Variants in VTA1 observed in about 807,000 individuals in gnomAD.
The protein encoded by VTA1 is vacuolar protein sorting-associated protein VTA1 homolog.
VTA1 carries 24 observed loss-of-function variants against 36.9 expected under a neutral mutation model. The ratio of observed to expected loss-of-function variants is 0.65; its 90% CI spans 0.47 to 0.91. VTA1 has a LOEUF of 0.91. Ranked by LOEUF, VTA1 falls within the 40% of genes least tolerant of loss-of-function variation. The pLI, the probability that VTA1 is intolerant of heterozygous loss-of-function variation, is 0.00. For missense variants in VTA1, 393 were observed against 377.2 expected (o/e 1.04, Z -0.35); for synonymous variants, 142 against 130.2 (o/e 1.09, Z -0.62).
At chr6:142,201,539 A>G (rs560629332) in intron 6 of VTA1, among the ~76,000 whole-genome samples, 5 of 152,052 alleles carry the variant, frequency 3.3e-5, no homozygotes, top group Non-Finnish European at 7.4e-5. Flanking sequence ...TTCTTTCTCA[A>G]GAAACATAAG....
intron 2 of VTA1, among the ~76,000 whole-genome samples, chr6:142,168,703 CTTTT>C (rs1774969276): frequency 1.3e-5 from 2 of 149,702 alleles, no homozygotes; most frequent in East Asian, 3.9e-4. Flanking sequence ...TGAATTAGAT[CTTTT>C]TTGTTTTTCA....
intron 5 of VTA1, among the ~76,000 whole-genome samples, chr6:142,198,119 ATGTG>A (rs71021658): frequency 0.015 from 1,452 of 98,182 alleles, 20 homozygotes; most frequent in African/African-American, 0.024. Context: ...ATATATATAT[ATGTG>A]TGTGTGTGTG....
chr6:142,175,389 T>G (rs987169289), intron 4 of VTA1, among the ~76,000 whole-genome samples: 1 of 151,994 alleles, frequency 6.6e-6, no homozygotes, highest in South Asian at 2.1e-4. Flanking sequence ...CTTCTCATTT[T>G]TCACCTTTGG....
intron 7 of VTA1, among the ~76,000 whole-genome samples, chr6:142,205,800 T>G (rs992165252): frequency 5.3e-5 from 8 of 151,668 alleles, no homozygotes; most frequent in Middle Eastern, 3.2e-3. Flanking sequence ...ATCCTGCCAG[T>G]AAGAAAAAAA....
chr6:142,198,297 T>C (rs1775607060), intron 5 of VTA1, 142 bp from the exon 6 acceptor site: 1 of 651,908 alleles, frequency 1.5e-6, no homozygotes, highest in Non-Finnish European at 2.3e-6. Flanking sequence ...AATATTGTTT[T>C]AAGAATAGAG....
rs192242282 is a variant in VTA1, at chr6:142,173,552, A to G, written c.411+3131A>G. ...TTATTTGGGGAAGCTACCTTCCCCT[A>G]TGTATTTTAGAAGCAAGCACATAAT... On this transcript the variant is annotated intron_variant, in intron 4 of 7. Transcript: ENST00000367630. Among the ~76,000 whole-genome samples the G allele has an allele frequency of 7.5e-4, 114 of 152,320 alleles. 1 individual carries two copies. The highest frequency in any genetic ancestry group is 3.9e-3 in the South Asian group (19 of 4,824).
At chr6:142,214,851 T>C (rs1258842838) in intron 7 of VTA1, among the ~76,000 whole-genome samples, 1 of 152,152 alleles carries the variant, frequency 6.6e-6, no homozygotes, top group Non-Finnish European at 1.5e-5. Flanking sequence ...TGCTCTAAAA[T>C]ATAAAGTCTT....
intron 7 of VTA1, among the ~76,000 whole-genome samples, chr6:142,209,495 CAGTT>C (rs956241869): frequency 2.7e-5 from 4 of 146,536 alleles, no homozygotes; most frequent in Non-Finnish European, 6.0e-5. Flanking sequence ...CTAACTAAAG[CAGTT>C]AGTTATTAAT....
intron 2 of VTA1, among the ~76,000 whole-genome samples, chr6:142,167,320 C>T (rs1310075402): frequency 6.6e-6 from 1 of 152,142 alleles, no homozygotes; most frequent in African/African-American, 2.4e-5. Context: ...CCCAGCCATA[C>T]CTGGTTTCTC....
intron 7 of VTA1, among the ~76,000 whole-genome samples, chr6:142,218,126 G>T (rs893884802): frequency 1.3e-5 from 2 of 152,000 alleles, no homozygotes; most frequent in African/African-American, 2.4e-5. Context: ...TATTGAAGGT[G>T]ATACTTACAT....
At chr6:142,155,891 TTC>T (rs1778652858) in intron 1 of VTA1, among the ~76,000 whole-genome samples, 1 of 152,320 alleles carries the variant, frequency 6.6e-6, no homozygotes, top group African/African-American at 2.4e-5. Flanking sequence ...TTGCTTGTCT[TTC>T]TTCTAGACTG....
chr6:142,221,388 A>G lies in VTA1; in HGVS notation c.*2745A>G, dbSNP rs1029809689. ...AAGGAAAAGAGTAACTAGTATGCAG[A>G]TACATACATGGAGGAAGAGCATTCC... On this transcript the variant is annotated 3_prime_UTR_variant, in exon 8 of 8. Transcript: ENST00000367630. 5 of 152,276 alleles carry G rather than the reference A, an allele frequency of 3.3e-5. No individual in the cohort carries two copies. Among genetic ancestry groups the G allele is most frequent in the African/African-American group, 1.2e-4 (5 of 41,470 alleles). 9.4% of individuals were successfully genotyped at this position (152,276 alleles called of 1,614,324 possible). A position where few individuals can be genotyped will look rare whatever the true frequency, so the allele number is the denominator to read the frequency against.
At chr6:142,169,479 G>A in intron 2 of VTA1, 71 bp from the exon 3 acceptor site, 1 of 1,431,266 alleles carries the variant, frequency 7.0e-7, no homozygotes, top group Non-Finnish European at 9.5e-7. Flanking sequence ...ATGATTATTA[G>A]AATTGTTTGT....
At position 142,219,805 on chromosome 6, in the gene VTA1, A is replaced by G. The variant is rs1042759867; in HGVS notation, c.*1162A>G. 4 of 152,184 alleles carry G rather than the reference A, an allele frequency of 2.6e-5. No homozygotes were observed. The highest frequency in any genetic ancestry group is 4.4e-5 in the Non-Finnish European group (3 of 68,024). 9.4% of individuals were successfully genotyped at this position (152,184 alleles called of 1,614,324 possible). ...ACTAAGATGGGAATCTTTAAACACA[A>G]GGGTCAGCAAGCTTTGGCCCATGGA... On this transcript the variant is annotated 3_prime_UTR_variant, in exon 8 of 8. Transcript: ENST00000367630.
chr6:142,166,211 C>G lies in VTA1; in HGVS notation c.113-17C>G. 1 of 1,566,202 alleles carries G rather than the reference C, an allele frequency of 6.4e-7. No homozygotes were observed. The highest frequency in any genetic ancestry group is 8.7e-7 in the Non-Finnish European group (1 of 1,146,940). ...TTAAAAATGAAATTGTTCAAATTATCTTACTTTTCTTTCTAGGTCGTTTAT... is the reference window on the plus strand; with the variant it reads ...TTAAAAATGAAATTGTTCAAATTATGTTACTTTTCTTTCTAGGTCGTTTAT... On this transcript the variant is annotated splice_polypyrimidine_tract_variant and intron_variant, in intron 1 of 7. Coordinates refer to ENST00000367630, the MANE Select transcript of VTA1 (RefSeq NM_016485.5).
At chr6:142,214,429 A>T (rs1409194691) in intron 7 of VTA1, among the ~76,000 whole-genome samples, 1 of 152,118 alleles carries the variant, frequency 6.6e-6, no homozygotes, top group African/African-American at 2.4e-5. Flanking sequence ...CGGCAATAGG[A>T]GAGTGAAGGG....
chr6:142,194,765 A>G (rs1262408226), intron 5 of VTA1, among the ~76,000 whole-genome samples: 1 of 152,118 alleles, frequency 6.6e-6, no homozygotes, highest in Non-Finnish European at 1.5e-5. Flanking sequence ...GCCAGTGGCA[A>G]TAAATATGTC....
intron 1 of VTA1, among the ~76,000 whole-genome samples, chr6:142,150,984 C>T (rs1182775533): frequency 6.6e-6 from 1 of 150,652 alleles, no homozygotes; most frequent in Non-Finnish European, 1.5e-5. Context: ...GGAGGTAGAA[C>T]TTTGTATAAG....
At chr6:142,160,033 A>G (rs1774767359) in intron 1 of VTA1, among the ~76,000 whole-genome samples, 1 of 152,068 alleles carries the variant, frequency 6.6e-6, no homozygotes, top group African/African-American at 2.4e-5. Context: ...CCTCTTTAGT[A>G]ATTTTTGACT....
Sources: gnomAD v4.1 joint callset for allele counts (sites outside exome capture counted in the v4.1 genomes callset) on GRCh38, gnomAD v4.1.1 for gene constraint, MANE v1.5 for transcripts, NCBI Gene and HGNC (gene_info 2026-07-23, HGNC 2026-07-21) for gene names.